GRAMD1B: variants seen among roughly 807,000 people sequenced by gnomAD.
GRAMD1B encodes GRAM domain containing 1B, also known as protein Aster-B.
GRAMD1B carries 37 observed loss-of-function variants against 99.7 expected under a neutral mutation model. The ratio of observed to expected loss-of-function variants is 0.37; its 90% confidence interval spans 0.29 to 0.49. The LOEUF (loss-of-function observed/expected upper bound fraction) is 0.49, where lower values mean the gene tolerates loss of function less well. Ranked by LOEUF, GRAMD1B falls within the 20% of genes least tolerant of loss-of-function variation. The pLI, the probability that GRAMD1B is intolerant of heterozygous loss-of-function variation, is 0.98. For missense variants in GRAMD1B, 888 were observed against 1,009.2 expected, an observed-to-expected ratio of 0.88 and a Z score of 1.63; for synonymous variants, 427 against 387.6, an observed-to-expected ratio of 1.10 and a Z score of -1.19.
intron 1 of GRAMD1B, among the ~76,000 whole-genome samples, chr11:123,414,180 G>A (rs182093563): frequency 1.3e-5 from 2 of 152,136 alleles, no homozygotes; most frequent in Admixed American, 1.3e-4. Flanking sequence ...GAGTAGCTGG[G>A]ACTACAGGTG....
chr11:123,440,463 A>G (rs904922867), intron 1 of GRAMD1B, among the ~76,000 whole-genome samples: 10 of 152,280 alleles, frequency 6.6e-5, no homozygotes, highest in African/African-American at 2.2e-4. Flanking sequence ...GACCCAAGAT[A>G]GCGCCACTGC....
intron 2 of GRAMD1B, among the ~76,000 whole-genome samples, chr11:123,572,491 A>G (rs944113241): frequency 1.3e-5 from 2 of 152,224 alleles, no homozygotes; most frequent in African/African-American, 4.8e-5. Flanking sequence ...TAATGGGTTA[A>G]CTGGTAAGAG....
In GRAMD1B at chr11:123,391,881, C is replaced by T. The variant is rs73605946; in HGVS notation, c.-176+33082C>T. ...AATCACTGCTCTTTCCAAGCCACTG[C>T]GTGTGCATGGGGCCAGGGATAACAA... is the stretch of plus-strand genomic sequence containing the variant. On this transcript the variant is annotated intron_variant, in intron 1 of 20. Coordinates refer to the GRAMD1B transcript ENST00000638157. Among the ~76,000 whole-genome samples the T allele has an allele frequency of 4.5e-3, 688 of 152,290 alleles. 4 individuals carry two copies. The highest frequency in any genetic ancestry group is 0.016 in the African/African-American group (655 of 41,566).
At chr11:123,469,436 T>C (rs1048870167) in intron 1 of GRAMD1B, among the ~76,000 whole-genome samples, 1 of 152,120 alleles carries the variant, frequency 6.6e-6, no homozygotes, top group Admixed American at 6.5e-5. Context: ...GTCGGAGTGA[T>C]GAATGGAAGG....
intron 1 of GRAMD1B, among the ~76,000 whole-genome samples, chr11:123,375,440 G>T (rs1294876638): frequency 6.6e-6 from 1 of 152,026 alleles, no homozygotes; most frequent in Non-Finnish European, 1.5e-5. Context: ...AAAGAAATCA[G>T]AAACTGTTTA....
intron 4 of GRAMD1B, among the ~76,000 whole-genome samples, chr11:123,584,934 T>C (rs1384907797): frequency 6.6e-6 from 1 of 152,118 alleles, no homozygotes; most frequent in Non-Finnish European, 1.5e-5. Flanking sequence ...TGTTGTGGGG[T>C]AAGCAGGCCT....
At chr11:123,411,624 T>G (rs1302874546) in intron 1 of GRAMD1B, among the ~76,000 whole-genome samples, 1 of 152,200 alleles carries the variant, frequency 6.6e-6, no homozygotes, top group Non-Finnish European at 1.5e-5. Flanking sequence ...TTTTTCATTT[T>G]CAATTAAGGA....
intron 4 of GRAMD1B, among the ~76,000 whole-genome samples, chr11:123,589,228 A>G (rs1048384133): frequency 6.6e-6 from 1 of 151,808 alleles, no homozygotes; most frequent in African/African-American, 2.4e-5. Flanking sequence ...AGTAGAAGAT[A>G]TGAACCTGTT....
intron 1 of GRAMD1B, among the ~76,000 whole-genome samples, chr11:123,422,008 GA>G (rs1292683256): frequency 4.3e-4 from 66 of 152,292 alleles, no homozygotes; most frequent in African/African-American, 1.4e-3. Context: ...CTTTCCAGCT[GA>G]TAGACCCTGA....
chr11:123,435,566 A>C (rs182848146), intron 1 of GRAMD1B: 1 of 661,898 alleles, frequency 1.5e-6, no homozygotes, highest in East Asian at 2.7e-5. Flanking sequence ...CTAACTTTCC[A>C]GTGTTCACTG....
intron 4 of GRAMD1B, among the ~76,000 whole-genome samples, chr11:123,589,393 A>G (rs1313394261): frequency 6.6e-6 from 1 of 151,668 alleles, no homozygotes; most frequent in Non-Finnish European, 1.5e-5. Flanking sequence ...AGACTCTTCT[A>G]CTTTCTCCAA....
chr11:123,545,750 CT>C (rs11335878), intron 2 of GRAMD1B, among the ~76,000 whole-genome samples: 149,524 of 151,634 alleles, frequency 0.99, 73,723 homozygotes, highest in East Asian at 1. Flanking sequence ...AAATCTTTCT[CT>C]TTTTTTTTTG....
chr11:123,505,600 A>G (rs1344084869), intron 2 of GRAMD1B, among the ~76,000 whole-genome samples: 1 of 152,172 alleles, frequency 6.6e-6, no homozygotes, highest in Non-Finnish European at 1.5e-5. Context: ...CTTGAATAAT[A>G]TTATTATCCC....
At chr11:123,451,148 G>A (rs1949869837) in intron 1 of GRAMD1B, among the ~76,000 whole-genome samples, 1 of 152,150 alleles carries the variant, frequency 6.6e-6, no homozygotes, top group African/African-American at 2.4e-5. Flanking sequence ...CTCTTAATTT[G>A]AGTAGCACTT....
intron 1 of GRAMD1B, among the ~76,000 whole-genome samples, chr11:123,477,560 A>G (rs1268602484): frequency 1.3e-5 from 2 of 148,284 alleles, no homozygotes; most frequent in Admixed American, 1.3e-4. Flanking sequence ...GGTTTCCAAA[A>G]GACAGTTTTA....
chr11:123,414,518 C>T (rs999470819), intron 1 of GRAMD1B, among the ~76,000 whole-genome samples: 4 of 152,080 alleles, frequency 2.6e-5, no homozygotes, highest in African/African-American at 4.8e-5. Context: ...TGCTTAGCTC[C>T]CTCTCTTATT....
chr11:123,539,617 C>A (rs1035110314), intron 2 of GRAMD1B, among the ~76,000 whole-genome samples: 39 of 151,992 alleles, frequency 2.6e-4, no homozygotes, highest in African/African-American at 8.9e-4. Context: ...AACAAACAAA[C>A]AAAACCCAAA....
intron 17 of GRAMD1B, chr11:123,618,305 C>T (rs766380251): frequency 5.0e-6 from 8 of 1,599,220 alleles, no homozygotes; most frequent in South Asian, 4.4e-5. Flanking sequence ...CTGTTTCTAA[C>T]CTCTGCCTCC....
intron 1 of GRAMD1B, among the ~76,000 whole-genome samples, chr11:123,409,371 A>G (rs1271920606): frequency 6.6e-6 from 1 of 152,192 alleles, no homozygotes; most frequent in Non-Finnish European, 1.5e-5. Flanking sequence ...AGGGCTGTGT[A>G]CATACAGACG....
Sources: gnomAD v4.1 joint callset for allele counts (sites outside exome capture counted in the v4.1 genomes callset) on GRCh38, gnomAD v4.1.1 for gene constraint, MANE v1.5 for transcripts, NCBI Gene and HGNC (gene_info 2026-07-23, HGNC 2026-07-21) for gene names.